LARS1: variants seen among roughly 807,000 people sequenced by gnomAD.
LARS1 encodes the protein leucine--tRNA ligase, cytoplasmic.
A neutral mutation model predicts 162.8 loss-of-function variants in LARS1; 100 were observed. The ratio of observed to expected loss-of-function variants is 0.61; its 90% CI spans 0.52 to 0.73. The LOEUF is 0.73. Among genes scored for constraint, LARS1 ranks in the 30% least tolerant of loss-of-function variants. The pLI is 0.00. For synonymous variants in LARS1, 457 were observed against 462.8 expected, an observed-to-expected ratio of 0.99 and a Z score of 0.16; for missense variants, 1,258 against 1,408.9, an observed-to-expected ratio of 0.89 and a Z score of 1.71.
rs139154530 is a variant in LARS1 at position 146,155,534 on chromosome 5, C to A, written c.1066-1554G>T. On this transcript the variant is annotated intron_variant, in intron 10 of 31. Transcript: ENST00000394434. ...ATCCAAAAGATTAAGCAATTTTAGA[C>A]CCAAATTCTCAGATGGCAACAAAGA... is the stretch of plus-strand genomic sequence containing the variant. Among the ~76,000 whole-genome samples the A allele has an allele frequency of 1.9e-4, 29 of 152,282 alleles. 1 individual carries two copies. The East Asian group carries it at 5.2e-3, about 27-fold the overall frequency.
intron 2 of LARS1, among the ~76,000 whole-genome samples, chr5:146,175,695 G>A (rs992761944): frequency 6.6e-6 from 1 of 151,956 alleles, no homozygotes; most frequent in African/African-American, 2.4e-5. Flanking sequence ...GGGCATGGTG[G>A]CAGCCGCCTG....
chr5:146,181,855 T>TTTC (rs1296649336), intron 1 of LARS1, among the ~76,000 whole-genome samples: 7 of 64,494 alleles, frequency 1.1e-4, no homozygotes, highest in Non-Finnish European at 1.6e-4. Flanking sequence ...TTTCTTTTTT[T>TTTC]TTTTTTTTTT....
chr5:146,120,285 GC>G, intron 31 of LARS1, 85 bp downstream of exon 31: 3 of 1,393,372 alleles, frequency 2.2e-6, no homozygotes, highest in Admixed American at 3.9e-5. Context: ...CCATAAGCAA[GC>G]CGGTTTCTTT....
At chr5:146,133,852 T>C (rs976908798) in intron 22 of LARS1, among the ~76,000 whole-genome samples, 12 of 152,182 alleles carry the variant, frequency 7.9e-5, no homozygotes, top group African/African-American at 2.7e-4. Flanking sequence ...TGTTTTTTGT[T>C]TGTTTGTTTG....
At chr5:146,122,426 T>C (rs1046028352) in intron 30 of LARS1, 66 bp downstream of exon 30, 1 of 857,400 alleles carries the variant, frequency 1.2e-6, no homozygotes, top group Admixed American at 2.0e-5. Context: ...TGGGTTTAGA[T>C]GTAATGATCT....
intron 1 of LARS1, 63 bp from the exon 2 acceptor site, chr5:146,177,728 G>A (rs981904022): frequency 1.5e-5 from 12 of 808,326 alleles, no homozygotes; most frequent in Admixed American, 4.5e-5. Flanking sequence ...AAAAAGAATT[G>A]GGTTCACAGA....
At position 146,142,930 on chromosome 5, in the gene LARS1, C is replaced by A; in HGVS notation, c.2032G>T (p.Val678Phe). The change falls in exon 20 of 32, where the codon GTT becomes TTT. Residue 678 changes from valine (V) to phenylalanine (F), a missense_variant. Coordinates refer to ENST00000394434, the MANE Select transcript of LARS1 (RefSeq NM_020117.11). ...VDLRVSGKDL[V>F]PNHLSYYLYN... ...AGGTAATATGAAAGATGATTTGGAA[C>A]AAGATCCTTGCCAGAGACGCGAAGA... The A allele has an allele frequency of 1.2e-6, 2 of 1,614,026 alleles. No homozygotes were observed. The highest frequency in any genetic ancestry group is 1.7e-6 in the Non-Finnish European group (2 of 1,179,980).
chr5:146,167,645 T>C (rs1308338084), intron 5 of LARS1, among the ~76,000 whole-genome samples: 109 of 123,680 alleles, frequency 8.8e-4, no homozygotes, highest in Middle Eastern at 6.1e-3. Flanking sequence ...CCGCCCGCCT[T>C]GGCCTCCCCA....
intron 2 of LARS1, among the ~76,000 whole-genome samples, chr5:146,173,679 T>C (rs1754377676): frequency 6.6e-6 from 1 of 152,106 alleles, no homozygotes; most frequent in Non-Finnish European, 1.5e-5. Context: ...ACATACATAC[T>C]GTGTTATGAA....
chr5:146,120,289 G>T lies in LARS1; in HGVS notation c.3325+82C>A, dbSNP rs112894446. On this transcript the variant is annotated intron_variant, in intron 31 of 31. Coordinates refer to ENST00000394434, the MANE Select transcript of LARS1 (RefSeq NM_020117.11). ...TACACAGCTGTCCATAAGCAAGCCG[G>T]TTTCTTTTCTTTTTCCTTTCTGCTT... is the stretch of plus-strand genomic sequence containing the variant. The T allele has an allele frequency of 8.3e-6, 12 of 1,441,064 alleles. No homozygotes were observed. In the East Asian group the frequency reaches 2.5e-4, roughly 30 times the overall value. The allele number at this position is 1,441,064 out of a possible 1,614,324, so 89.3% of individuals were successfully genotyped here.
rs1374361680 is a variant in LARS1 at position 146,144,616 on chromosome 5, A to C, written c.1589+8T>G. The C allele has an allele frequency of 6.2e-7, 1 of 1,613,986 alleles. No individual in the cohort carries two copies. Among genetic ancestry groups the C allele is most frequent in the East Asian group, 2.2e-5 (1 of 44,870 alleles). On this transcript the variant is annotated splice_region_variant and intron_variant, in intron 16 of 31. Coordinates refer to ENST00000394434, the MANE Select transcript of LARS1 (RefSeq NM_020117.11). ...ACTAGGGGAATTTTCTTGCTATAAG[A>C]GACTAACCACTGGTCACACAGAGCC...
chr5:146,180,252 G>A (rs1184706240), intron 1 of LARS1, among the ~76,000 whole-genome samples: 1 of 152,096 alleles, frequency 6.6e-6, no homozygotes, highest in African/African-American at 2.4e-5. Context: ...AAAAAATATG[G>A]CCAGGTGCAT....
chr5:146,138,398 TA>T (rs1752605046), intron 21 of LARS1: 1 of 130,940 alleles, frequency 7.6e-6, no homozygotes, highest in Non-Finnish European at 1.7e-5. Context: ...GAAAAGTCAA[TA>T]AATAAAAGTG....
intron 4 of LARS1, among the ~76,000 whole-genome samples, chr5:146,170,868 A>G (rs1754241058): frequency 6.7e-6 from 1 of 150,018 alleles, no homozygotes; most frequent in Admixed American, 6.8e-5. Context: ...TGGGTGACAG[A>G]GCAAGACTCC....
chr5:146,175,992 G>GA (rs1387531703), intron 2 of LARS1, among the ~76,000 whole-genome samples: 1 of 150,860 alleles, frequency 6.6e-6, no homozygotes, highest in Non-Finnish European at 1.5e-5. Context: ...CTGTCTCTAA[G>GA]AAAAAACAAA....
At position 146,139,906 on chromosome 5, in the gene LARS1, T is replaced by C. The variant is rs148699941; in HGVS notation, c.2148+298A>G. On this transcript the variant is annotated intron_variant, in intron 21 of 31. Coordinates refer to ENST00000394434, the MANE Select transcript of LARS1 (RefSeq NM_020117.11). ...AAAAAAAAAAAAAAAAATTAATTTA[T>C]GCCTCGTCCTAAATATGCTAATTAG... Among the ~76,000 whole-genome samples the C allele has an allele frequency of 9.5e-3, 1,429 of 150,950 alleles. 11 individuals are homozygous for C. Among genetic ancestry groups the C allele is most frequent in the Non-Finnish European group, 0.013 (891 of 67,814 alleles).
intron 27 of LARS1, among the ~76,000 whole-genome samples, chr5:146,126,827 T>TA (rs1244871979): frequency 6.6e-6 from 1 of 152,124 alleles, no homozygotes; most frequent in Non-Finnish European, 1.5e-5. Flanking sequence ...AATGGTCTCA[T>TA]AAAAACTTGT....
intron 18 of LARS1, among the ~76,000 whole-genome samples, chr5:146,143,973 G>C (rs1317418837): frequency 1.3e-5 from 2 of 152,160 alleles, no homozygotes; most frequent in Admixed American, 6.5e-5. Context: ...CTGCACTCCA[G>C]CCTAGGCGAC....
At position 146,172,186 on chromosome 5, in the gene LARS1, T is replaced by A. The variant is rs189298037; in HGVS notation, c.214-196A>T. Among the ~76,000 whole-genome samples the A allele has an allele frequency of 8.5e-5, 13 of 152,242 alleles. No individual in the cohort carries two copies. The East Asian group carries it at 2.5e-3, about 29-fold the overall frequency. ...ATACATGCCCAGACCCTTGCACACATACACATATGGCACATAAAAATTAAA... is the reference window on the plus strand; with the variant it reads ...ATACATGCCCAGACCCTTGCACACAAACACATATGGCACATAAAAATTAAA... On this transcript the variant is annotated intron_variant, in intron 3 of 31. Coordinates refer to ENST00000394434, the MANE Select transcript of LARS1 (RefSeq NM_020117.11).
Sources: allele counts gnomAD v4.1 joint callset (sites outside exome capture counted in the v4.1 genomes callset), GRCh38; gene constraint gnomAD v4.1.1; transcripts MANE v1.5; gene names NCBI Gene and HGNC (gene_info 2026-07-23, HGNC 2026-07-21).